PCDHA6: variants seen among roughly 807,000 people sequenced by gnomAD.
PCDHA6 encodes the protein protocadherin alpha 6.
Under a neutral mutation model 60.3 loss-of-function variants are expected in PCDHA6, and 55 were observed. The ratio of observed to expected loss-of-function variants is 0.91; its 90% CI spans 0.73 to 1.14. The LOEUF is 1.14. Ranked by LOEUF, PCDHA6 falls within the 50% of genes most tolerant of loss-of-function variation. The probability of loss-of-function intolerance (pLI) is 0.00; values close to 1 mark genes in which losing one functional copy is unlikely to be tolerated. For missense variants in PCDHA6, 1,327 were observed against 1,256.5 expected (o/e 1.06, Z -0.85); for synonymous variants, 652 against 557.9 (o/e 1.17, Z -2.38).
chr5:140,914,944 C>CTTT (rs35695909), intron 1 of PCDHA6, among the ~76,000 whole-genome samples: 2 of 128,266 alleles, frequency 1.6e-5, no homozygotes, highest in Non-Finnish European at 3.3e-5. Context: ...GAAAAGTTGT[C>CTTT]TTTTTTTTTT....
intron 1 of PCDHA6, chr5:140,850,018 T>A: frequency 1.3e-6 from 2 of 1,596,890 alleles, no homozygotes; most frequent in Non-Finnish European, 1.7e-6. Context: ...TCGAGCTACG[T>A]GTCAGTGCAC....
At chr5:140,870,239 G>C (rs781847723) in intron 1 of PCDHA6, 6 of 1,614,134 alleles carry the variant, frequency 3.7e-6, no homozygotes, top group Non-Finnish European at 4.2e-6. Flanking sequence ...CGTGACTCAG[G>C]TGTCAACGGA....
At chr5:140,980,076 G>A (rs2096875671) in intron 2 of PCDHA6, among the ~76,000 whole-genome samples, 1 of 152,214 alleles carries the variant, frequency 6.6e-6, no homozygotes, top group South Asian at 2.1e-4. Flanking sequence ...AAGGGCTGAA[G>A]ATTAGTAGTT....
intron 1 of PCDHA6, chr5:140,835,444 C>T (rs1773641752): frequency 6.2e-7 from 1 of 1,613,922 alleles, no homozygotes; most frequent in Non-Finnish European, 8.5e-7. Context: ...ACTCTCACTT[C>T]CCTGTCTCTC....
intron 1 of PCDHA6, chr5:140,848,054 T>TA (rs1554141984): frequency 1.2e-5 from 2 of 162,052 alleles, no homozygotes; most frequent in African/African-American, 4.9e-5. Context: ...TTTTAATTGT[T>TA]ACTTCATTTC....
chr5:140,912,260 C>T (rs1451576363), intron 1 of PCDHA6, among the ~76,000 whole-genome samples: 2 of 152,160 alleles, frequency 1.3e-5, no homozygotes, highest in African/African-American at 4.8e-5. Context: ...TTTGATGACA[C>T]CCTCACAGAT....
In PCDHA6 at chr5:141,011,807, A is replaced by G. The variant is rs940017317; in HGVS notation, c.*1870A>G. ...CTAATGGTATCTGAAATATCAGCTC[A>G]TAGAAAGTAACAAAATTTGCTGTCA... On this transcript the variant is annotated 3_prime_UTR_variant, in exon 4 of 4. Coordinates refer to ENST00000529310, the MANE Select transcript of PCDHA6 (RefSeq NM_018909.4). The G allele has an allele frequency of 1.3e-5, 2 of 153,798 alleles. No individual in the cohort carries two copies. Among genetic ancestry groups the G allele is most frequent in the African/African-American group, 4.8e-5 (2 of 41,468 alleles). The allele number at this position is 153,798 out of a possible 1,614,324, so 9.5% of individuals were successfully genotyped here.
At chr5:140,868,817 T>C in intron 1 of PCDHA6, 1 of 380,686 alleles carries the variant, frequency 2.6e-6, no homozygotes, top group South Asian at 6.7e-5. Context: ...TTGGAAATAT[T>C]TGGGGGAAGA....
chr5:140,893,530 A>G (rs2064036357), intron 1 of PCDHA6, among the ~76,000 whole-genome samples: 1 of 152,056 alleles, frequency 6.6e-6, no homozygotes, highest in South Asian at 2.1e-4. Context: ...TCCTTTAAGT[A>G]TTTCTTGTAG....
chr5:140,914,076 T>C (rs2076593853), intron 1 of PCDHA6, among the ~76,000 whole-genome samples: 1 of 152,218 alleles, frequency 6.6e-6, no homozygotes, highest in Non-Finnish European at 1.5e-5. Context: ...TCCATAACTA[T>C]CTATTAGGTC....
chr5:140,870,829 G>A, intron 1 of PCDHA6: 1 of 1,613,790 alleles, frequency 6.2e-7, no homozygotes, highest in Non-Finnish European at 8.5e-7. Context: ...GGGAGGCGCA[G>A]TTAACAAGCT....
In PCDHA6 at chr5:141,010,289, C is replaced by G. The variant is rs2098416832; in HGVS notation, c.*352C>G. The G allele has an allele frequency of 4.5e-6, 7 of 1,550,274 alleles. No homozygotes were observed. The highest frequency in any genetic ancestry group is 3.9e-5 in the Admixed American group (2 of 50,654). ...GGGGATCCTGTCTTGATGACACTTG[C>G]AGGGCAGGCTGAAAAGTTTTGAGAT... On this transcript the variant is annotated 3_prime_UTR_variant, in exon 4 of 4. Transcript: ENST00000529310.
At chr5:140,967,954 C>T in intron 1 of PCDHA6, 1 of 1,614,208 alleles carries the variant, frequency 6.2e-7, no homozygotes, top group Non-Finnish European at 8.5e-7. Flanking sequence ...ACTCAGGCCC[C>T]AACCGGAAAG....
At chr5:140,849,751 C>A (rs1664372537) in intron 1 of PCDHA6, 2 of 1,598,420 alleles carry the variant, frequency 1.3e-6, no homozygotes, top group Non-Finnish European at 1.7e-6. Flanking sequence ...GAGAGTGTGT[C>A]CGCCTACGAG....
chr5:140,876,185 A>AC (rs782573528), intron 1 of PCDHA6: 1 of 1,613,986 alleles, frequency 6.2e-7, no homozygotes, highest in East Asian at 2.2e-5. Context: ...GTGAATGACA[A>AC]TGGTCCGGCG....
chr5:140,851,723 G>A lies in PCDHA6; in HGVS notation c.2394+21238G>A, dbSNP rs1581264682. 7 of 966,358 alleles carry A rather than the reference G, an allele frequency of 7.2e-6. 1 individual carries two copies. In the South Asian group the frequency reaches 1.4e-4, roughly 20 times the overall value. 59.9% of individuals were successfully genotyped at this position (966,358 alleles called of 1,614,324 possible). A position where few individuals can be genotyped will look rare whatever the true frequency, so the allele number is the denominator to read the frequency against. ...CAGCCATGTGAAGATTCGAAACTTC[G>A]AGTTCTTTTGAAATTCAGAGTCTGT... On this transcript the variant is annotated intron_variant, in intron 1 of 3. Transcript: ENST00000529310.
intron 3 of PCDHA6, among the ~76,000 whole-genome samples, chr5:140,990,262 C>T (rs2097383201): frequency 6.6e-6 from 1 of 152,152 alleles, no homozygotes; most frequent in South Asian, 2.1e-4. Context: ...GGATACCAAA[C>T]AATGTACCCC....
rs149837711 is a variant in PCDHA6 at position 140,940,786 on chromosome 5, G to A, written c.2395-38163G>A. Reference sequence around the variant, plus strand: ...TTTGACTTTTGATGGTCCATATCCTGAAAATGATATTTGCCAGGATATCCT... The same window carrying A: ...TTTGACTTTTGATGGTCCATATCCTAAAAATGATATTTGCCAGGATATCCT... On this transcript the variant is annotated intron_variant, in intron 1 of 3. Coordinates refer to ENST00000529310, the MANE Select transcript of PCDHA6 (RefSeq NM_018909.4). 1.1e-4 allele frequency among the ~76,000 whole-genome samples: 17 copies of A among 152,224 alleles called. 1 individual carries two copies. The East Asian group carries it at 2.9e-3, about 26-fold the overall frequency.
chr5:140,915,222 C>T (rs2153533644), intron 1 of PCDHA6, among the ~76,000 whole-genome samples: 1 of 152,292 alleles, frequency 6.6e-6, no homozygotes, highest in South Asian at 2.1e-4. Context: ...GCTGGGATTA[C>T]AGGCATGAGC....
Sources: allele counts gnomAD v4.1 joint callset (sites outside exome capture counted in the v4.1 genomes callset), GRCh38; gene constraint gnomAD v4.1.1; transcripts MANE v1.5; gene names NCBI Gene and HGNC (gene_info 2026-07-23, HGNC 2026-07-21).